PKP2: variants seen among roughly 807,000 people sequenced by gnomAD.
PKP2 encodes the protein plakophilin 2.
PKP2 carries 73 observed loss-of-function variants against 83.4 expected under a neutral mutation model. The ratio of observed to expected loss-of-function variants is 0.88; its 90% CI spans 0.72 to 1.06. The LOEUF (loss-of-function observed/expected upper bound fraction) is 1.06, where lower values mean the gene tolerates loss of function less well. PKP2 is among the 50% of genes least tolerant of loss of function. The pLI is 0.00. For missense variants in PKP2, 966 were observed against 1,065.4 expected (o/e 0.91, Z 1.30); for synonymous variants, 409 against 430.4 (o/e 0.95, Z 0.62).
At chr12:32,839,527 C>A (rs1410005883) in intron 6 of PKP2, among the ~76,000 whole-genome samples, 1 of 151,648 alleles carries the variant, frequency 6.6e-6, no homozygotes, top group East Asian at 1.9e-4. Flanking sequence ...AAGAGTGAGT[C>A]CTAGGAATGC....
chr12:32,895,878 C>A (rs1450105010), intron 1 of PKP2, among the ~76,000 whole-genome samples: 1 of 152,182 alleles, frequency 6.6e-6, no homozygotes, highest in African/African-American at 2.4e-5. Flanking sequence ...GGGCCAAAGT[C>A]CCCTACCTCC....
intron 9 of PKP2, among the ~76,000 whole-genome samples, chr12:32,805,395 T>A (rs551015542): frequency 1.3e-5 from 2 of 152,318 alleles, no homozygotes; most frequent in South Asian, 4.1e-4. Flanking sequence ...ATGTCCTGAA[T>A]GGTATTGCCT....
intron 5 of PKP2, among the ~76,000 whole-genome samples, chr12:32,842,830 A>G (rs1431802540): frequency 6.6e-6 from 1 of 151,558 alleles, no homozygotes; most frequent in African/African-American, 2.4e-5. Flanking sequence ...ACACACCACC[A>G]TGCCTGGCTA....
At chr12:32,823,064 GA>G (rs1397177344) in intron 7 of PKP2, among the ~76,000 whole-genome samples, 1 of 152,166 alleles carries the variant, frequency 6.6e-6, no homozygotes, top group Admixed American at 6.6e-5. Context: ...TTCAGAGGTA[GA>G]CAGCACACAA....
chr12:32,819,859 TAC>T (rs141866119), intron 9 of PKP2, among the ~76,000 whole-genome samples: 23 of 142,736 alleles, frequency 1.6e-4, no homozygotes, highest in African/African-American at 5.0e-4. Flanking sequence ...ACAGCAAGCT[TAC>T]ACACACACAC....
At chr12:32,867,984 A>G (rs1956863632) in intron 4 of PKP2, among the ~76,000 whole-genome samples, 1 of 152,254 alleles carries the variant, frequency 6.6e-6, no homozygotes, top group Non-Finnish European at 1.5e-5. Context: ...ACATATATGC[A>G]CAAAGCAATT....
chr12:32,813,794 AAAT>A (rs1956297724), intron 9 of PKP2, among the ~76,000 whole-genome samples: 1 of 152,108 alleles, frequency 6.6e-6, no homozygotes, highest in African/African-American at 2.4e-5. Flanking sequence ...GAAAAAAAAA[AAAT>A]AAGGAGGAAG....
intron 9 of PKP2, among the ~76,000 whole-genome samples, chr12:32,815,681 T>C (rs1956314027): frequency 6.6e-6 from 1 of 152,232 alleles, no homozygotes; most frequent in South Asian, 2.1e-4. Context: ...TATAGATACA[T>C]CATACTATAC....
Position 32,853,296 on chromosome 12 carries a change from C to T in PKP2, c.1171-2323G>A, listed in dbSNP as rs188414260. On this transcript the variant is annotated intron_variant, in intron 4 of 12. Coordinates refer to ENST00000340811, the MANE Select transcript of PKP2 (RefSeq NM_001005242.3). ...TTAGGAATGCTCAACCAATGTAATGCGAATATTCCAAAATCTGAAAAACCC... is the reference window on the plus strand; with the variant it reads ...TTAGGAATGCTCAACCAATGTAATGTGAATATTCCAAAATCTGAAAAACCC... Among the ~76,000 whole-genome samples the T allele has an allele frequency of 1.7e-3, 257 of 150,320 alleles. 1 individual carries two copies. The highest frequency in any genetic ancestry group is 5.9e-3 in the African/African-American group (242 of 40,964).
chr12:32,836,863 TC>T (rs1170797490), intron 6 of PKP2, among the ~76,000 whole-genome samples: 10 of 152,322 alleles, frequency 6.6e-5, no homozygotes, highest in Admixed American at 3.9e-4. Flanking sequence ...GTCCTGGAAA[TC>T]AATGCTACGT....
rs879210282 is a variant in PKP2 at position 32,821,401 on chromosome 12, T to A, written c.1968A>T (p.Glu656Asp). ...IAKSVRNYTQ[E>D]ASLGALQNLT... ...GGTTCTGCAGAGCTCCTAAGGATGCTTCTTGTGTGTAGTTGCGGACACTTT... is the reference window on the plus strand; with the variant it reads ...GGTTCTGCAGAGCTCCTAAGGATGCATCTTGTGTGTAGTTGCGGACACTTT... Residue 656 changes from glutamate to aspartate, a missense_variant, in exon 9 of 13, where the codon GAA becomes GAT. Coordinates refer to ENST00000340811, the MANE Select transcript of PKP2 (RefSeq NM_001005242.3). The A allele has an allele frequency of 2.5e-6, 4 of 1,614,040 alleles. No homozygotes were observed. In the African/African-American group the frequency reaches 4.0e-5, roughly 16 times the overall value.
In PKP2 at chr12:32,888,794, C is replaced by CTT. The variant is rs35583236; in HGVS notation, c.223+7713_223+7714dup. Among the ~76,000 whole-genome samples the CTT allele has an allele frequency of 1.5e-3, 206 of 136,948 alleles. 2 individuals are homozygous for CTT. The highest frequency in any genetic ancestry group is 0.01 in the South Asian group (44 of 4,198). The allele number at this position is 136,948 out of a possible 152,430, so 89.8% of individuals were successfully genotyped here. ...AGGCGTGAGCCACTGCGCCCGGCCT[C>CTT]TTTTTTTTTTTTTTTTGAGACAGGG... On this transcript the variant is annotated intron_variant, in intron 1 of 12. Transcript: ENST00000340811.
chr12:32,871,775 T>C (rs561761388), intron 3 of PKP2, among the ~76,000 whole-genome samples: 3 of 152,136 alleles, frequency 2.0e-5, no homozygotes, highest in African/African-American at 4.8e-5. Context: ...CATTTTTAAA[T>C]TTTTTGTAAA....
At chr12:32,811,456 A>G (rs1057363980) in intron 9 of PKP2, among the ~76,000 whole-genome samples, 1 of 152,258 alleles carries the variant, frequency 6.6e-6, no homozygotes. Flanking sequence ...CTTTGTGATC[A>G]GCAGATGCTT....
intron 4 of PKP2, among the ~76,000 whole-genome samples, chr12:32,858,381 GA>G (rs1363963119): frequency 1.3e-5 from 2 of 151,596 alleles, no homozygotes; most frequent in African/African-American, 4.8e-5. Context: ...GCTATTAAAG[GA>G]TCAATATTCA....
chr12:32,895,211 CAAAT>C (rs1299854499), intron 1 of PKP2, among the ~76,000 whole-genome samples: 1 of 151,984 alleles, frequency 6.6e-6, no homozygotes, highest in Non-Finnish European at 1.5e-5. Flanking sequence ...ATATATATCT[CAAAT>C]GAATGCAAAC....
At chr12:32,802,815 C>T (rs1425259185) in intron 9 of PKP2, among the ~76,000 whole-genome samples, 5 of 151,892 alleles carry the variant, frequency 3.3e-5, no homozygotes, top group Admixed American at 6.5e-5. Flanking sequence ...TGTGCCACCA[C>T]GCCCAGCTAA....
At position 32,878,148 on chromosome 12, in the gene PKP2, G is replaced by T; in HGVS notation, c.732C>A (p.Pro244=). The part of the protein sequence containing the change: ...IPANPALLTY[P]RPGTSRSMGN... ...CCATGCTGCGGCTGGTCCCTGGCCT[G>T]GGGTACGTGAGCAGGGCCGGGTTGG... is the stretch of plus-strand genomic sequence containing the variant. The change falls in exon 3 of 13, where the codon CCC becomes CCA. Residue 244 remains proline (P), a synonymous_variant. Transcript: ENST00000340811. 1 of 1,614,242 alleles carries T rather than the reference G, an allele frequency of 6.2e-7. No homozygotes were observed. Among genetic ancestry groups the T allele is most frequent in the Non-Finnish European group, 8.5e-7 (1 of 1,180,038 alleles).
Position 32,842,654 on chromosome 12 carries a change from A to G in PKP2, c.1379-1449T>C, listed in dbSNP as rs16920308. On this transcript the variant is annotated intron_variant, in intron 5 of 12. Transcript: ENST00000340811. ...CTTCCCTTTCTACCCTATCCTTCTCACTGCCCAGGCAACAATTCCTACTTC... is the reference window on the plus strand; with the variant it reads ...CTTCCCTTTCTACCCTATCCTTCTCGCTGCCCAGGCAACAATTCCTACTTC... 6.7e-3 allele frequency among the ~76,000 whole-genome samples: 1,023 copies of G among 152,276 alleles called. 44 individuals carry two copies. The highest frequency in any genetic ancestry group is 0.056 in the Admixed American group (857 of 15,296).
Sources: gnomAD v4.1 joint callset for allele counts (sites outside exome capture counted in the v4.1 genomes callset) on GRCh38, gnomAD v4.1.1 for gene constraint, MANE v1.5 for transcripts, NCBI Gene and HGNC (gene_info 2026-07-23, HGNC 2026-07-21) for gene names.